Variants in SHISA9 observed in about 807,000 individuals in gnomAD.
SHISA9 encodes the protein protein shisa-9.
In SHISA9, 13 loss-of-function variants were observed where a neutral mutation model predicts 38.0. The ratio of observed to expected loss-of-function variants is 0.34; its 90% CI spans 0.22 to 0.54. SHISA9 has a LOEUF of 0.54. SHISA9 is among the 20% of genes least tolerant of loss of function. SHISA9 has a pLI of 0.91. For synonymous variants in SHISA9, 275 were observed against 242.0 expected (o/e 1.14, Z -1.27); for missense variants, 538 against 575.8 (o/e 0.93, Z 0.67).
chr16:13,277,646 G>A, the SHISA9 span, among the ~76,000 whole-genome samples: 1 of 151,578 alleles, frequency 6.6e-6, no homozygotes, highest in East Asian at 1.9e-4. Context: ...CCTTGTTTAG[G>A]TATATTCCTA....
chr16:13,331,357 A>T, the SHISA9 span: 1 of 152,046 alleles, frequency 6.6e-6, no homozygotes, highest in Admixed American at 6.6e-5. Context: ...GAAACATTTT[A>T]AAAACTCCTC....
At chr16:13,055,228 A>C (rs564892018) in intron 2 of SHISA9, among the ~76,000 whole-genome samples, 41 of 152,338 alleles carry the variant, frequency 2.7e-4, no homozygotes, top group African/African-American at 9.6e-4. Context: ...AAACTGAGTC[A>C]CAGAGAAAGT....
the SHISA9 span, among the ~76,000 whole-genome samples, chr16:13,470,717 T>C: frequency 9.8e-5 from 15 of 152,288 alleles, no homozygotes; most frequent in East Asian, 2.3e-3. Context: ...AATCATACAT[T>C]AAAGGCTCTG....
At chr16:12,909,354 A>C (rs2071149029) in intron 1 of SHISA9, 1 of 985,298 alleles carries the variant, frequency 1.0e-6, no homozygotes, top group Non-Finnish European at 1.2e-6. Context: ...ATTTTTGAAA[A>C]ATAATTGATG....
At chr16:12,968,667 G>T (rs779577299) in intron 2 of SHISA9, among the ~76,000 whole-genome samples, 2 of 152,190 alleles carry the variant, frequency 1.3e-5, no homozygotes, top group African/African-American at 4.8e-5. Flanking sequence ...TGTACAGACT[G>T]TGTGTGGTTC....
chr16:13,097,820 C>G (rs756623915), intron 2 of SHISA9, among the ~76,000 whole-genome samples: 3 of 152,120 alleles, frequency 2.0e-5, no homozygotes, highest in African/African-American at 7.2e-5. Flanking sequence ...GAAGTAAGTA[C>G]AGTAAAATGT....
chr16:13,440,172 G>C, the SHISA9 span, among the ~76,000 whole-genome samples: 1 of 152,180 alleles, frequency 6.6e-6, no homozygotes, highest in Non-Finnish European at 1.5e-5. Context: ...TTTCTTAATG[G>C]TATGTGGGTG....
At chr16:13,006,762 C>G (rs1020246941) in intron 2 of SHISA9, among the ~76,000 whole-genome samples, 3 of 152,178 alleles carry the variant, frequency 2.0e-5, no homozygotes, top group Non-Finnish European at 4.4e-5. Context: ...CTGTTGTACC[C>G]TCCTGCAGCC....
the SHISA9 span, among the ~76,000 whole-genome samples, chr16:13,531,381 T>C: frequency 1.3e-5 from 2 of 152,138 alleles, no homozygotes; most frequent in South Asian, 4.1e-4. Context: ...GCCAGACACA[T>C]ATCTTAAGTG....
intron 2 of SHISA9, among the ~76,000 whole-genome samples, chr16:13,183,867 A>C (rs928234061): frequency 1.3e-5 from 2 of 152,038 alleles, no homozygotes; most frequent in African/African-American, 4.8e-5. Flanking sequence ...GCAGTTAGTG[A>C]CCATGGATTG....
rs532477053 is a variant in SHISA9 at position 13,037,288 on chromosome 16, A to G, written c.691+120473A>G. Among the ~76,000 whole-genome samples, 7 of 152,242 alleles carry G rather than the reference A, an allele frequency of 4.6e-5. No individual in the cohort carries two copies. The South Asian group carries it at 1.5e-3, about 32-fold the overall frequency. ...GGTGTAAGTGCCAATGTGTGGAAGA[A>G]TTACAGGTACATTTTCCCAAGCCTC... On this transcript the variant is annotated intron_variant, in intron 2 of 4. Transcript: ENST00000558583.
intron 2 of SHISA9, among the ~76,000 whole-genome samples, chr16:12,966,623 C>G (rs1051438933): frequency 5.3e-5 from 8 of 152,168 alleles, no homozygotes; most frequent in Non-Finnish European, 8.8e-5. Context: ...GATTAGGAAG[C>G]CAAGGTACAA....
At chr16:12,939,691 C>G (rs1282793911) in intron 2 of SHISA9, among the ~76,000 whole-genome samples, 1 of 152,204 alleles carries the variant, frequency 6.6e-6, no homozygotes, top group African/African-American at 2.4e-5. Flanking sequence ...CCCAACCTTC[C>G]TCTTTCCCCA....
the SHISA9 span, among the ~76,000 whole-genome samples, chr16:13,440,944 A>G: frequency 1.3e-5 from 2 of 152,150 alleles, no homozygotes; most frequent in East Asian, 1.9e-4. Flanking sequence ...AAAAAAAGTC[A>G]TTGATATATT....
chr16:13,298,482 C>T, the SHISA9 span, among the ~76,000 whole-genome samples: 1 of 152,270 alleles, frequency 6.6e-6, no homozygotes, highest in African/African-American at 2.4e-5. Context: ...TCAATCATCA[C>T]AATAATCTTA....
intron 2 of SHISA9, among the ~76,000 whole-genome samples, chr16:12,984,269 A>G (rs1374352063): frequency 2.0e-5 from 3 of 152,224 alleles, no homozygotes; most frequent in Non-Finnish European, 2.9e-5. Flanking sequence ...TGAAAGGTAC[A>G]TTCAGTATCT....
At chr16:13,079,972 G>A (rs913340566) in intron 2 of SHISA9, among the ~76,000 whole-genome samples, 1 of 152,172 alleles carries the variant, frequency 6.6e-6, no homozygotes, top group Non-Finnish European at 1.5e-5. Context: ...CTAGCATGAA[G>A]GAAATCAAAA....
At chr16:13,004,943 GAAAAAA>G (rs59694628) in intron 2 of SHISA9, among the ~76,000 whole-genome samples, 2 of 103,758 alleles carry the variant, frequency 1.9e-5, no homozygotes, top group Non-Finnish European at 3.9e-5. Context: ...TTAAGAAAAA[GAAAAAA>G]AAAAAAAAAG....
chr16:13,221,002 G>A (rs988032889), intron 4 of SHISA9, among the ~76,000 whole-genome samples: 1 of 150,138 alleles, frequency 6.7e-6, no homozygotes, highest in Non-Finnish European at 1.5e-5. Context: ...TCCTCACTCT[G>A]GATTAATAGT....
Sources: allele counts gnomAD v4.1 joint callset (sites outside exome capture counted in the v4.1 genomes callset), GRCh38; gene constraint gnomAD v4.1.1; transcripts MANE v1.5; gene names NCBI Gene and HGNC (gene_info 2026-07-23, HGNC 2026-07-21).